The following SCP2 variants were observed in gnomAD, a reference collection of about 807,000 sequenced individuals.
The protein encoded by SCP2 is SCP-2/3-oxoacyl-CoA thiolase.
SCP2 carries 48 observed loss-of-function variants against 71.4 expected under a neutral mutation model. The observed-to-expected ratio is 0.67, with a 90% confidence interval of 0.53 to 0.86. The LOEUF is 0.86. SCP2 is among the 40% of genes least tolerant of loss of function. The pLI, the probability that SCP2 is intolerant of heterozygous loss-of-function variation, is 0.00. For missense variants in SCP2, 560 were observed against 655.6 expected (o/e 0.85, Z 1.59); for synonymous variants, 220 against 218.1 (o/e 1.01, Z -0.08).
chr1:52,957,900 C>CT (rs1304721957), intron 5 of SCP2, among the ~76,000 whole-genome samples: 1 of 151,078 alleles, frequency 6.6e-6, no homozygotes, highest in Non-Finnish European at 1.5e-5. Flanking sequence ...AAAAGATTAT[C>CT]TTTTTTCCAT....
chr1:52,975,512 G>C (rs961107618), intron 7 of SCP2, among the ~76,000 whole-genome samples: 1 of 151,892 alleles, frequency 6.6e-6, no homozygotes, highest in Non-Finnish European at 1.5e-5. Context: ...TTGCCATGTT[G>C]GCCAGGCTGG....
intron 14 of SCP2, among the ~76,000 whole-genome samples, chr1:53,040,539 T>C (rs1663340434): frequency 6.6e-6 from 1 of 152,110 alleles, no homozygotes; most frequent in Non-Finnish European, 1.5e-5. Flanking sequence ...AACCCCACGG[T>C]GAAACCCCAT....
chr1:52,987,007 T>TATA (rs1491431026), intron 10 of SCP2, among the ~76,000 whole-genome samples: 3,487 of 61,582 alleles, frequency 0.057, 24 homozygotes, highest in South Asian at 0.082. Flanking sequence ...TATATATATA[T>TATA]TTTTTTTTTT....
At chr1:53,014,601 T>TATTTAATACATTAAATACATA (rs1661207134) in intron 11 of SCP2, among the ~76,000 whole-genome samples, 1 of 152,224 alleles carries the variant, frequency 6.6e-6, no homozygotes, top group African/African-American at 2.4e-5. Flanking sequence ...TTAAAAATGG[T>TATTTAATACATTAAATACATA]AAAATTAAAT....
chr1:52,975,110 G>T (rs1232302863), intron 7 of SCP2, among the ~76,000 whole-genome samples: 1 of 151,596 alleles, frequency 6.6e-6, no homozygotes, highest in Non-Finnish European at 1.5e-5. Flanking sequence ...GTGCAGTGGC[G>T]TGATCTCGGC....
At chr1:52,976,835 T>G (rs2150167375) in intron 8 of SCP2, 66 bp downstream of exon 8, 1 of 847,640 alleles carries the variant, frequency 1.2e-6, no homozygotes, top group Middle Eastern at 2.2e-4. Flanking sequence ...CACCCCCCTG[T>G]GGTTAAACCT....
intron 10 of SCP2, among the ~76,000 whole-genome samples, chr1:52,987,485 CCAGGAAATTGA>C (rs1488323977): frequency 6.6e-6 from 1 of 152,110 alleles, no homozygotes; most frequent in Non-Finnish European, 1.5e-5. Context: ...GACCAAATGA[CCAGGAAATTGA>C]CAGGAACATT....
At chr1:52,937,041 C>A (rs920687479) in intron 1 of SCP2, among the ~76,000 whole-genome samples, 2 of 151,566 alleles carry the variant, frequency 1.3e-5, no homozygotes, top group Non-Finnish European at 2.9e-5. Context: ...AAGCAAACAC[C>A]GAGAATTAAA....
At position 52,927,417 on chromosome 1, in the gene SCP2, G is replaced by GCCTGCGAC; in HGVS notation, c.28_35dup (p.Arg13ProfsTer12). The GCCTGCGAC allele has an allele frequency of 6.2e-7, 1 of 1,600,046 alleles. No homozygotes were observed. The highest frequency in any genetic ancestry group is 8.5e-7 in the Non-Finnish European group (1 of 1,174,378). The stretch of plus-strand genomic sequence containing the variant: ...CAGCCATGTCCTCTTCCCCGTGGGA[G>GCCTGCGAC]CCTGCGACCCTGCGCCGGGTGTTCG... On this transcript the variant is annotated frameshift_variant, in exon 1 of 16. Coordinates refer to ENST00000371514, the MANE Select transcript of SCP2 (RefSeq NM_002979.5). LOFTEE classifies it high-confidence loss of function.
chr1:53,050,510 C>T, intron 15 of SCP2, 99 bp from the exon 16 acceptor site: 1 of 781,034 alleles, frequency 1.3e-6, no homozygotes, highest in Non-Finnish European at 2.2e-6. Context: ...AGTCATGTGA[C>T]CTGGATAAAT....
At chr1:52,938,216 G>C (rs11206045) in intron 1 of SCP2, among the ~76,000 whole-genome samples, 2 of 152,126 alleles carry the variant, frequency 1.3e-5, no homozygotes, top group African/African-American at 4.8e-5. Context: ...AGGCTCAGGA[G>C]ACAAGTCCTG....
intron 11 of SCP2, chr1:52,994,862 G>A: frequency 2.0e-6 from 1 of 508,454 alleles, no homozygotes; most frequent in Admixed American, 2.3e-5. Context: ...CAGCTGGACT[G>A]TGTCTCCATG....
chr1:52,929,599 C>T (rs986114854), intron 1 of SCP2, among the ~76,000 whole-genome samples: 9 of 151,940 alleles, frequency 5.9e-5, no homozygotes, highest in African/African-American at 2.2e-4. Flanking sequence ...TGTGTGCCAC[C>T]ATGCCCAGCT....
intron 3 of SCP2, 61 bp from the exon 4 acceptor site, chr1:52,950,694 G>C (rs1192667742): frequency 1.3e-5 from 17 of 1,352,310 alleles, no homozygotes; most frequent in Non-Finnish European, 1.7e-5. Context: ...CCATAATGTA[G>C]TATTATGTTG....
intron 4 of SCP2, 123 bp from the exon 5 acceptor site, chr1:52,954,617 T>C (rs1311496147): frequency 1.2e-6 from 1 of 825,806 alleles, no homozygotes; most frequent in African/African-American, 1.7e-5. Context: ...CCCAAACTGA[T>C]GGGACTATAA....
At chr1:52,933,606 A>G (rs1255486590) in intron 1 of SCP2, among the ~76,000 whole-genome samples, 1 of 152,210 alleles carries the variant, frequency 6.6e-6, no homozygotes, top group Non-Finnish European at 1.5e-5. Context: ...GAACTGTATC[A>G]TTGGATAATT....
intron 1 of SCP2, among the ~76,000 whole-genome samples, chr1:52,934,588 C>A (rs1330832967): frequency 1.1e-5 from 1 of 89,610 alleles, no homozygotes; most frequent in East Asian, 3.4e-4. Context: ...TACATTCCAG[C>A]TAACTTTTTT....
chr1:52,958,067 A>C (rs997304315), intron 5 of SCP2, among the ~76,000 whole-genome samples: 8 of 152,094 alleles, frequency 5.3e-5, no homozygotes, highest in African/African-American at 1.9e-4. Context: ...TCTTTGTCAT[A>C]TATTTATGTA....
chr1:52,935,833 G>C lies in SCP2; in HGVS notation c.70-5963G>C, dbSNP rs77701455. On this transcript the variant is annotated intron_variant, in intron 1 of 15. Coordinates refer to ENST00000371514, the MANE Select transcript of SCP2 (RefSeq NM_002979.5). ...CATGCTTGTAGTACCAGCTACTCAG[G>C]AGGCTGAGGCAGGAGGATTGCTCGA... is the stretch of plus-strand genomic sequence containing the variant. Among the ~76,000 whole-genome samples, 101 of 152,208 alleles carry C rather than the reference G, an allele frequency of 6.6e-4. 2 individuals are homozygous for C. The East Asian group carries it at 0.019, about 28-fold the overall frequency.
Sources: allele counts gnomAD v4.1 joint callset (sites outside exome capture counted in the v4.1 genomes callset), GRCh38; gene constraint gnomAD v4.1.1; transcripts MANE v1.5; gene names NCBI Gene and HGNC (gene_info 2026-07-23, HGNC 2026-07-21).